The following EEF2K variants were observed in gnomAD, a reference collection of about 807,000 sequenced individuals.
EEF2K encodes the protein alternative protein EEF2K.
A neutral mutation model predicts 93.8 loss-of-function variants in EEF2K; 70 were observed. That is an observed-to-expected ratio of 0.75 (90% confidence interval 0.62 to 0.91). The LOEUF is 0.91. Ranked by LOEUF, EEF2K falls within the 40% of genes least tolerant of loss-of-function variation. EEF2K has a pLI of 0.00. For missense variants in EEF2K, 935 were observed against 972.9 expected (o/e 0.96, Z 0.52); for synonymous variants, 376 against 380.8 (o/e 0.99, Z 0.15).
chr16:22,224,131 C>T (rs1165732330), intron 1 of EEF2K, among the ~76,000 whole-genome samples: 3 of 152,148 alleles, frequency 2.0e-5, no homozygotes, highest in Admixed American at 6.6e-5. Flanking sequence ...TGCTTGAACT[C>T]GGGAGGCGGA....
intron 11 of EEF2K, 26 bp from the exon 12 acceptor site, chr16:22,263,084 A>AC (rs771980508): frequency 6.2e-7 from 1 of 1,605,852 alleles, no homozygotes; most frequent in Non-Finnish European, 8.5e-7. Context: ...GACCACCAGG[A>AC]CCCTAAGGCC....
At chr16:22,230,166 G>T (rs986530162) in intron 2 of EEF2K, among the ~76,000 whole-genome samples, 1 of 152,106 alleles carries the variant, frequency 6.6e-6, no homozygotes, top group African/African-American at 2.4e-5. Context: ...TACAGGCATT[G>T]GTTCTCACAG....
chr16:22,247,071 A>AC (rs1301415144), intron 3 of EEF2K, among the ~76,000 whole-genome samples: 3 of 146,336 alleles, frequency 2.1e-5, no homozygotes, highest in Non-Finnish European at 3.0e-5. Flanking sequence ...AAAAAAAGAA[A>AC]CTAGAATTGC....
chr16:22,209,789 GCTT>G (rs1195592050), intron 1 of EEF2K, among the ~76,000 whole-genome samples: 3 of 152,136 alleles, frequency 2.0e-5, no homozygotes, highest in African/African-American at 7.2e-5. Flanking sequence ...AAGCAAGGAG[GCTT>G]CTTTTTTGTT....
intron 1 of EEF2K, among the ~76,000 whole-genome samples, chr16:22,210,353 C>T (rs1205993589): frequency 6.6e-6 from 1 of 152,150 alleles, no homozygotes; most frequent in African/African-American, 2.4e-5. Context: ...CCTAGGCCAG[C>T]GTTTCTCTAA....
chr16:22,269,357 T>C (rs1275134424), intron 15 of EEF2K, among the ~76,000 whole-genome samples: 1 of 152,140 alleles, frequency 6.6e-6, no homozygotes, highest in African/African-American at 2.4e-5. Flanking sequence ...AAGACAGCAG[T>C]CATATAGGAT....
chr16:22,215,719 G>A (rs2046951779), intron 1 of EEF2K, among the ~76,000 whole-genome samples: 6 of 152,128 alleles, frequency 3.9e-5, no homozygotes, highest in African/African-American at 1.4e-4. Context: ...GAGGTCAGGA[G>A]TTCAAGACTA....
At position 22,257,391 on chromosome 16, in the gene EEF2K, T is replaced by TG. The variant is rs766331543; in HGVS notation, c.901+10dup. The TG allele has an allele frequency of 1.9e-6, 3 of 1,612,500 alleles. No homozygotes were observed. The highest frequency in any genetic ancestry group is 2.2e-5 in the South Asian group (2 of 90,990). On this transcript the variant is annotated splice_region_variant and intron_variant, in intron 8 of 17. Transcript: ENST00000263026. ...CTTTGGAGACGGCAACCTAGGTACG[T>TG]GGGGAAAGCCAGCCTGTTTCTGCAG...
At chr16:22,234,656 C>A (rs2047148930) in intron 2 of EEF2K, among the ~76,000 whole-genome samples, 1 of 151,902 alleles carries the variant, frequency 6.6e-6, no homozygotes, top group Non-Finnish European at 1.5e-5. Context: ...ATTATGCATC[C>A]ATCACCACAA....
At chr16:22,245,478 T>G (rs889887548) in intron 3 of EEF2K, among the ~76,000 whole-genome samples, 6 of 151,972 alleles carry the variant, frequency 3.9e-5, no homozygotes, top group Non-Finnish European at 8.8e-5. Context: ...AGGCCTCTGC[T>G]TGTTTTTCCC....
At chr16:22,273,593 T>TCTTCTTTCTCC (rs1319027894) in intron 15 of EEF2K, 33 bp from the exon 16 acceptor site, 7 of 1,611,520 alleles carry the variant, frequency 4.3e-6, no homozygotes, top group Non-Finnish European at 5.1e-6. Context: ...CCTCATTCAC[T>TCTTCTTTCTCC]CTTCTTTCTC....
At chr16:22,242,184 C>T (rs183251820) in intron 2 of EEF2K, among the ~76,000 whole-genome samples, 1 of 152,164 alleles carries the variant, frequency 6.6e-6, no homozygotes, top group Admixed American at 6.6e-5. Context: ...CAAAAGAAAG[C>T]CCTAGAGAGA....
intron 3 of EEF2K, among the ~76,000 whole-genome samples, chr16:22,247,037 C>CAAAAAAAAAAAAA (rs57073413): frequency 7.3e-5 from 1 of 13,702 alleles, no homozygotes; most frequent in Non-Finnish European, 1.7e-4. Context: ...GACTCCATCT[C>CAAAAAAAAAAAAA]AAAAAAAAAA....
intron 2 of EEF2K, among the ~76,000 whole-genome samples, chr16:22,228,509 G>A (rs968497200): frequency 6.6e-6 from 1 of 152,084 alleles, no homozygotes; most frequent in Non-Finnish European, 1.5e-5. Context: ...CTCCAGCCAA[G>A]GAAAAGACAA....
chr16:22,272,658 C>T (rs778155182), intron 15 of EEF2K, among the ~76,000 whole-genome samples: 41 of 148,792 alleles, frequency 2.8e-4, no homozygotes, highest in Admixed American at 2.6e-3. Flanking sequence ...CTAAAAACTA[C>T]GGATGTGTAC....
At position 22,228,564 on chromosome 16, in the gene EEF2K, C is replaced by T. The variant is rs1040770145; in HGVS notation, c.246+2589C>T. On this transcript the variant is annotated intron_variant, in intron 2 of 17. Transcript: ENST00000263026. The stretch of plus-strand genomic sequence containing the variant: ...AGAGAACTTTATTTAATTCAGGTAC[C>T]CGGGCCGACAGCAGGCCCACGCCTA... Among the ~76,000 whole-genome samples, 8 of 152,170 alleles carry T rather than the reference C, an allele frequency of 5.3e-5. No homozygotes were observed. The South Asian group carries it at 1.4e-3, about 28-fold the overall frequency.
intron 2 of EEF2K, among the ~76,000 whole-genome samples, chr16:22,233,103 G>T (rs1457139361): frequency 7.2e-5 from 11 of 152,180 alleles, no homozygotes; most frequent in Non-Finnish European, 1.2e-4. Flanking sequence ...GTCATCCAAA[G>T]ATGTTTATAG....
intron 2 of EEF2K, among the ~76,000 whole-genome samples, chr16:22,226,801 C>T (rs745442031): frequency 1.3e-5 from 2 of 152,168 alleles, no homozygotes; most frequent in Admixed American, 6.5e-5. Flanking sequence ...TTAGGTCAGG[C>T]GTGGTGTCTC....
rs755632364 is a variant in EEF2K, at chr16:22,280,187, C to A, written c.1890-11C>A. 3 of 1,464,410 alleles carry A rather than the reference C, an allele frequency of 2.0e-6. No individual in the cohort carries two copies. The South Asian group carries it at 4.4e-5, about 22-fold the overall frequency. The allele number at this position is 1,464,410 out of a possible 1,614,324, so 90.7% of individuals were successfully genotyped here. On this transcript the variant is annotated splice_polypyrimidine_tract_variant and intron_variant, in intron 16 of 17. Transcript: ENST00000263026. ...GTAACCTCCACCTTTCCCTCTGTAT[C>A]TCCTGGCAAGGTGCCAAGACTGGCT...
Sources: allele counts gnomAD v4.1 joint callset (sites outside exome capture counted in the v4.1 genomes callset), GRCh38; gene constraint gnomAD v4.1.1; transcripts MANE v1.5; gene names NCBI Gene and HGNC (gene_info 2026-07-23, HGNC 2026-07-21).